The following ARRDC5 variants were observed in gnomAD, a reference collection of about 807,000 sequenced individuals.
ARRDC5 encodes arrestin domain containing 5.
Under a neutral mutation model 13.3 loss-of-function variants are expected in ARRDC5, and 12 were observed. That is an observed-to-expected ratio of 0.90 (90% CI 0.58 to 1.46). The LOEUF (loss-of-function observed/expected upper bound fraction) is 1.46, where lower values mean the gene tolerates loss of function less well. Among genes scored for constraint, ARRDC5 ranks in the 40% most tolerant of loss-of-function variants. ARRDC5 has a pLI of 0.00. For missense variants in ARRDC5, 406 were observed against 418.7 expected, an observed-to-expected ratio of 0.97 and a Z score of 0.26; for synonymous variants, 181 against 173.4, an observed-to-expected ratio of 1.04 and a Z score of -0.34.
chr19:4,895,487 A>G (rs1363122911), intron 2 of ARRDC5, among the ~76,000 whole-genome samples: 1 of 151,344 alleles, frequency 6.6e-6, no homozygotes, highest in African/African-American at 2.4e-5. Context: ...GCCCTCTGAC[A>G]TTTGTCGTCC....
the ARRDC5 span, among the ~76,000 whole-genome samples, chr19:4,913,252 C>CTTTTTTTTTT: frequency 9.0e-6 from 1 of 111,202 alleles, no homozygotes; most frequent in Non-Finnish European, 1.7e-5. Context: ...GTACATTGTG[C>CTTTTTTTTTT]TTTTTTTTTT....
chr19:4,894,638 C>T (rs1043266943), intron 2 of ARRDC5, among the ~76,000 whole-genome samples: 7 of 145,806 alleles, frequency 4.8e-5, no homozygotes, highest in Non-Finnish European at 7.5e-5. Context: ...GAGCCGAGAT[C>T]GCGCCACTGC....
intron 2 of ARRDC5, among the ~76,000 whole-genome samples, chr19:4,896,214 C>G (rs2031703684): frequency 6.7e-6 from 1 of 150,366 alleles, no homozygotes. Context: ...ACTCAGGAGG[C>G]TGAGGCAGGA....
chr19:4,891,166 C>T lies in ARRDC5; in HGVS notation c.867G>A (p.Trp289Ter), dbSNP rs529524038. The T allele has an allele frequency of 5.0e-6, 8 of 1,613,964 alleles. No individual in the cohort carries two copies. The South Asian group carries it at 6.6e-5, about 13-fold the overall frequency. ...YELVTTVHLP[W>*]SLTSLKAKVP... The stretch of plus-strand genomic sequence containing the variant: ...CTTTGGCCTTGAGGCTGGTCAGGGA[C>T]CAGGGCAGGTGCACGGTGGTGACCA... The change falls in exon 3 of 3, where the codon TGG becomes TGA. Residue 289 changes from tryptophan (W) to a stop codon, truncating the protein, a stop_gained. Coordinates refer to ENST00000650722, the MANE Select transcript of ARRDC5 (RefSeq NM_001080523.3). LOFTEE classifies it low-confidence loss of function (END_TRUNC).
In ARRDC5 at chr19:4,893,130, T is replaced by A. The variant is rs540310321; in HGVS notation, c.460-1557A>T. ...AATAAATATATATATTATAATAATATAATATATATTATATTATTAGAATAT... is the reference window on the plus strand; with the variant it reads ...AATAAATATATATATTATAATAATAAAATATATATTATATTATTAGAATAT... On this transcript the variant is annotated intron_variant, in intron 2 of 2. Coordinates refer to ENST00000650722, the MANE Select transcript of ARRDC5 (RefSeq NM_001080523.3). 2.8e-5 allele frequency among the ~76,000 whole-genome samples: 4 copies of A among 140,970 alleles called. No homozygotes were observed. In the Admixed American group the frequency reaches 3.1e-4, roughly 11 times the overall value. The allele number at this position is 140,970 out of a possible 152,430, so 92.5% of individuals were successfully genotyped here.
chr19:4,891,508 A>G lies in ARRDC5; in HGVS notation c.525T>C (p.Cys175=), dbSNP rs2146239243. ...SYNCCRQGTV[C]LQIQMERNTF... Reference sequence around the variant, plus strand: ...TGTTCCTTTCCATCTGGATTTGCAAACAGACAGTGCCCTGGCGGCAGCAGT... The same window carrying G: ...TGTTCCTTTCCATCTGGATTTGCAAGCAGACAGTGCCCTGGCGGCAGCAGT... The change falls in exon 3 of 3, where the codon TGT becomes TGC. Residue 175 remains cysteine (C), a synonymous_variant. Transcript: ENST00000650722. 6.2e-7 allele frequency: 1 copy of G among 1,613,868 alleles called. No individual in the cohort carries two copies. Among genetic ancestry groups the G allele is most frequent in the Non-Finnish European group, 8.5e-7 (1 of 1,179,860 alleles).
At chr19:4,897,739 A>G (rs2031782596) in intron 1 of ARRDC5, among the ~76,000 whole-genome samples, 1 of 152,084 alleles carries the variant, frequency 6.6e-6, no homozygotes, top group Non-Finnish European at 1.5e-5. Context: ...CTGGTCTTGA[A>G]CTTCTGGCCA....
intron 2 of ARRDC5, among the ~76,000 whole-genome samples, chr19:4,892,921 G>A (rs1037407629): frequency 6.6e-6 from 1 of 150,844 alleles, no homozygotes; most frequent in African/African-American, 2.4e-5. Context: ...TGGCCAACTT[G>A]GTGAAACCCC....
At chr19:4,909,624 AG>A in the ARRDC5 span, 3 of 611,280 alleles carry the variant, frequency 4.9e-6, no homozygotes, top group East Asian at 1.0e-4. Context: ...CCACGCGCGC[AG>A]GCAGACAAGC....
intron 1 of ARRDC5, among the ~76,000 whole-genome samples, chr19:4,900,194 C>T (rs2146256693): frequency 8.0e-6 from 1 of 125,600 alleles, no homozygotes; most frequent in African/African-American, 3.1e-5. Flanking sequence ...GTTGCCCAGG[C>T]TGGAGTGCAG....
intron 1 of ARRDC5, among the ~76,000 whole-genome samples, chr19:4,898,293 T>A (rs932642581): frequency 6.6e-6 from 1 of 152,012 alleles, no homozygotes; most frequent in Non-Finnish European, 1.5e-5. Context: ...TTCTCGAAAA[T>A]CCTCTTAGCA....
chr19:4,905,108 CTTTTT>C (rs61443004), upstream of ARRDC5, among the ~76,000 whole-genome samples: 38 of 95,176 alleles, frequency 4.0e-4, no homozygotes, highest in African/African-American at 1.8e-3. Context: ...CGTAAACTTT[CTTTTT>C]TTTTTTTTTT....
intron 1 of ARRDC5, among the ~76,000 whole-genome samples, chr19:4,900,225 G>A (rs1051657775): frequency 1.5e-5 from 2 of 131,318 alleles, no homozygotes; most frequent in African/African-American, 2.9e-5. Context: ...TCGGCTCACC[G>A]CAAGCTCCGC....
At position 4,902,878 on chromosome 19, in the gene ARRDC5, T is replaced by A; in HGVS notation, c.-53A>T. The A allele has an allele frequency of 1.9e-6, 3 of 1,611,232 alleles. No homozygotes were observed. Among genetic ancestry groups the A allele is most frequent in the Non-Finnish European group, 2.5e-6 (3 of 1,178,326 alleles). ...CTCTCTGTCCCCCATGTCCCTGAAATTCCCGGTTCGTTGGCCCTAGTGAGG... is the reference window on the plus strand; with the variant it reads ...CTCTCTGTCCCCCATGTCCCTGAAAATCCCGGTTCGTTGGCCCTAGTGAGG... On this transcript the variant is annotated 5_prime_UTR_variant, in exon 1 of 3. Transcript: ENST00000650722.
At chr19:4,895,444 A>AAAG in intron 2 of ARRDC5, among the ~76,000 whole-genome samples, 1 of 139,158 alleles carries the variant, frequency 7.2e-6, no homozygotes, top group Middle Eastern at 3.6e-3. Flanking sequence ...AAAAAAAAAA[A>AAAG]AAAGAAAGAA....
chr19:4,915,702 T>G, the ARRDC5 span, among the ~76,000 whole-genome samples: 4 of 151,618 alleles, frequency 2.6e-5, no homozygotes, highest in Middle Eastern at 3.4e-3. Context: ...AGAGCAAGAC[T>G]CCGTCTCAAA....
At chr19:4,893,372 G>T (rs1192826934) in intron 2 of ARRDC5, among the ~76,000 whole-genome samples, 1 of 148,530 alleles carries the variant, frequency 6.7e-6, no homozygotes, top group Admixed American at 6.9e-5. Flanking sequence ...CGGGTGTGAT[G>T]GCACGCAACT....
the ARRDC5 span, among the ~76,000 whole-genome samples, chr19:4,908,451 C>T: frequency 2.0e-5 from 3 of 152,140 alleles, no homozygotes; most frequent in Non-Finnish European, 2.9e-5. Flanking sequence ...TATATCACCC[C>T]TCTGACCTCA....
intron 1 of ARRDC5, among the ~76,000 whole-genome samples, 193 bp from the exon 2 acceptor site, chr19:4,897,069 G>A (rs2656932): frequency 0.048 from 7,305 of 152,052 alleles, 285 homozygotes; most frequent in Non-Finnish European, 0.077. Context: ...CGATTCTCCT[G>A]CCTCAGCCTC....
Sources: gnomAD v4.1 joint callset for allele counts (sites outside exome capture counted in the v4.1 genomes callset) on GRCh38, gnomAD v4.1.1 for gene constraint, MANE v1.5 for transcripts, NCBI Gene and HGNC (gene_info 2026-07-23, HGNC 2026-07-21) for gene names.